The following CC2D2A variants were observed in gnomAD, a reference collection of about 807,000 sequenced individuals.
The protein encoded by CC2D2A is coiled-coil and C2 domain containing 2A.
Under a neutral mutation model 212.9 loss-of-function variants are expected in CC2D2A, and 155 were observed. The observed-to-expected ratio is 0.73, with a 90% CI of 0.64 to 0.83. The LOEUF is 0.83. Among genes scored for constraint, CC2D2A ranks in the 40% least tolerant of loss-of-function variants. CC2D2A has a pLI of 0.00. For missense variants in CC2D2A, 1,856 were observed against 1,956.2 expected, an observed-to-expected ratio of 0.95 and a Z score of 0.97; for synonymous variants, 667 against 686.5, an observed-to-expected ratio of 0.97 and a Z score of 0.44.
chr4:15,549,506 A>C lies in CC2D2A; in HGVS notation c.2182-1318A>C, dbSNP rs16868232. 8.8e-3 allele frequency among the ~76,000 whole-genome samples: 1,342 copies of C among 152,296 alleles called. 27 individuals carry two copies. The highest frequency in any genetic ancestry group is 0.031 in the African/African-American group (1,275 of 41,540). ...AAGGCCAGGATAGTAGCCAGTCACC[A>C]CTTCATCCTCACTCCTGGACAAGAA... On this transcript the variant is annotated intron_variant, in intron 17 of 36. Transcript: ENST00000424120.
intron 28 of CC2D2A, among the ~76,000 whole-genome samples, chr4:15,573,833 TTAC>T (rs1720277225): frequency 6.6e-6 from 1 of 152,202 alleles, no homozygotes; most frequent in Non-Finnish European, 1.5e-5. Flanking sequence ...TTGTCTCTTT[TTAC>T]TAATGAGGAA....
At chr4:15,499,905 G>A (rs777145165) in intron 4 of CC2D2A, among the ~76,000 whole-genome samples, 16 of 146,770 alleles carry the variant, frequency 1.1e-4, no homozygotes, top group Admixed American at 2.1e-4. Context: ...CCTTCCCTGC[G>A]TGGCTGGGGA....
intron 20 of CC2D2A, 39 bp downstream of exon 20, chr4:15,555,249 G>A (rs752490433): frequency 6.2e-7 from 1 of 1,600,532 alleles, no homozygotes; most frequent in Non-Finnish European, 8.5e-7. Flanking sequence ...TCTTGACTTG[G>A]CCTTTTACAC....
chr4:15,502,340 G>A lies in CC2D2A; in HGVS notation c.248-89G>A, dbSNP rs145397085. On this transcript the variant is annotated intron_variant, in intron 4 of 36. Transcript: ENST00000424120. Reference sequence around the variant, plus strand: ...TTTTTTAATTTAACCTTCCCTTTTGGGGGGAGGGAATTGTTTTAAAGTAAT... The same window carrying A: ...TTTTTTAATTTAACCTTCCCTTTTGAGGGGAGGGAATTGTTTTAAAGTAAT... 7 of 991,536 alleles carry A rather than the reference G, an allele frequency of 7.1e-6. No homozygotes were observed. In the African/African-American group the frequency reaches 1.0e-4, roughly 14 times the overall value. The allele number at this position is 991,536 out of a possible 1,614,324, so 61.4% of individuals were successfully genotyped here.
intron 19 of CC2D2A, among the ~76,000 whole-genome samples, chr4:15,553,677 G>C (rs1028492657): frequency 6.6e-6 from 1 of 152,148 alleles, no homozygotes; most frequent in African/African-American, 2.4e-5. Flanking sequence ...GATTGGTGTA[G>C]GATCTGCTGT....
chr4:15,576,421 T>C (rs189380487), intron 29 of CC2D2A: 3 of 970,702 alleles, frequency 3.1e-6, no homozygotes, highest in South Asian at 4.8e-5. Context: ...TATGGAACCA[T>C]TCCATAGGAT....
At chr4:15,573,491 T>C (rs1169648612) in intron 28 of CC2D2A, among the ~76,000 whole-genome samples, 1 of 152,158 alleles carries the variant, frequency 6.6e-6, no homozygotes, top group Non-Finnish European at 1.5e-5. Context: ...GAGTTTCACC[T>C]TGTTGGCCAG....
At chr4:15,554,726 GTGGGCCCCAGTGGCC>G (rs1719192112) in intron 19 of CC2D2A, among the ~76,000 whole-genome samples, 1 of 152,230 alleles carries the variant, frequency 6.6e-6, no homozygotes, top group Non-Finnish European at 1.5e-5. Context: ...CTCAGCTATA[GTGGGCCCCAGTGGCC>G]TGGGATGTGA....
At chr4:15,547,165 A>AT (rs1294981215) in intron 17 of CC2D2A, among the ~76,000 whole-genome samples, 4 of 152,282 alleles carry the variant, frequency 2.6e-5, no homozygotes, top group South Asian at 2.1e-4. Flanking sequence ...ATATTCTGTG[A>AT]TTTTTTAAAC....
intron 36 of CC2D2A, among the ~76,000 whole-genome samples, chr4:15,600,150 C>T (rs891944183): frequency 6.6e-6 from 1 of 152,158 alleles, no homozygotes; most frequent in Non-Finnish European, 1.5e-5. Flanking sequence ...ATAAAACCTA[C>T]AAAGCAGGCT....
chr4:15,600,915 A>G lies in CC2D2A; in HGVS notation c.4675-322A>G, dbSNP rs563761176. ...GTCAGACCTGTCTCAAAAAAAAAAA[A>G]AAAAAAGAAAAAAGAAATGTATTTG... On this transcript the variant is annotated intron_variant, in intron 36 of 36. Transcript: ENST00000424120. Among the ~76,000 whole-genome samples, 99 of 129,470 alleles carry G rather than the reference A, an allele frequency of 7.6e-4. 1 individual carries two copies. Among genetic ancestry groups the G allele is most frequent in the African/African-American group, 2.5e-3 (89 of 36,192 alleles). 84.9% of individuals were successfully genotyped at this position (129,470 alleles called of 152,430 possible). A position where few individuals can be genotyped will look rare whatever the true frequency, so the allele number is the denominator to read the frequency against.
intron 11 of CC2D2A, among the ~76,000 whole-genome samples, chr4:15,524,322 G>A (rs978596909): frequency 7.9e-5 from 12 of 151,948 alleles, no homozygotes; most frequent in African/African-American, 2.7e-4. Context: ...TAGTAGAGAC[G>A]GGATTTCACC....
At chr4:15,569,825 C>T (rs1720074421) in intron 27 of CC2D2A, among the ~76,000 whole-genome samples, 2 of 152,162 alleles carry the variant, frequency 1.3e-5, no homozygotes. Context: ...GATATCAGGA[C>T]ACTCCTAAGT....
intron 16 of CC2D2A, among the ~76,000 whole-genome samples, chr4:15,540,160 A>T (rs1431463254): frequency 1.3e-5 from 2 of 152,192 alleles, no homozygotes; most frequent in Non-Finnish European, 2.9e-5. Flanking sequence ...CTTGTTTCAA[A>T]TTTTGATGCC....
chr4:15,528,126 T>G (rs936562101), intron 12 of CC2D2A, among the ~76,000 whole-genome samples: 2 of 152,244 alleles, frequency 1.3e-5, no homozygotes, highest in Non-Finnish European at 2.9e-5. Context: ...CACTATCCCA[T>G]GGGATTTTTG....
At chr4:15,573,374 T>G (rs949251272) in intron 28 of CC2D2A, among the ~76,000 whole-genome samples, 1 of 152,196 alleles carries the variant, frequency 6.6e-6, no homozygotes, top group African/African-American at 2.4e-5. Context: ...CACTGCAACC[T>G]CCACCTCCCA....
At chr4:15,478,139 C>T (rs1714356157) in intron 2 of CC2D2A, among the ~76,000 whole-genome samples, 1 of 152,022 alleles carries the variant, frequency 6.6e-6, no homozygotes, top group South Asian at 2.1e-4. Context: ...TATTAGAAAG[C>T]GTAAGGTGGA....
intron 13 of CC2D2A, among the ~76,000 whole-genome samples, chr4:15,532,891 T>G (rs1717921207): frequency 1.3e-5 from 2 of 152,232 alleles, no homozygotes. Flanking sequence ...ATTTAGTCCA[T>G]GAGAACTGCC....
intron 8 of CC2D2A, among the ~76,000 whole-genome samples, chr4:15,514,477 A>G (rs1194880878): frequency 1.3e-5 from 2 of 152,222 alleles, no homozygotes; most frequent in Non-Finnish European, 2.9e-5. Flanking sequence ...TGAAACAGCC[A>G]TCTCTGATTT....
Sources: allele counts gnomAD v4.1 joint callset (sites outside exome capture counted in the v4.1 genomes callset), GRCh38; gene constraint gnomAD v4.1.1; transcripts MANE v1.5; gene names NCBI Gene and HGNC (gene_info 2026-07-23, HGNC 2026-07-21).